POLR1F: variants seen among roughly 807,000 people sequenced by gnomAD.
The protein encoded by POLR1F is DNA-directed RNA polymerase I subunit RPA43.
In POLR1F, 23 loss-of-function variants were observed where a neutral mutation model predicts 21.8. The ratio of observed to expected loss-of-function variants is 1.05; its 90% CI spans 0.76 to 1.49. The LOEUF is 1.49. Ranked by LOEUF, POLR1F falls within the 40% of genes most tolerant of loss-of-function variation. The pLI is 0.00. For missense variants in POLR1F, 435 were observed against 412.1 expected (o/e 1.06, Z -0.48); for synonymous variants, 162 against 152.8 (o/e 1.06, Z -0.45).
At chr7:19,703,897 A>C (rs1282705571) in intron 2 of POLR1F, among the ~76,000 whole-genome samples, 1 of 152,232 alleles carries the variant, frequency 6.6e-6, no homozygotes. Context: ...GCTGGCCTAC[A>C]TGTTTATATT....
rs1039501804 is a variant in POLR1F, at chr7:19,696,282, A to G, written c.*2034T>C. On this transcript the variant is annotated 3_prime_UTR_variant, in exon 4 of 4. Coordinates refer to ENST00000222567, the MANE Select transcript of POLR1F (RefSeq NM_001002926.2). Reference sequence around the variant, plus strand: ...GATCTGACTTTTCAAAACTACTCACATTGTGAAAAAAGCAGGAACAAATCT... The same window carrying G: ...GATCTGACTTTTCAAAACTACTCACGTTGTGAAAAAAGCAGGAACAAATCT... 4 of 152,112 alleles carry G rather than the reference A, an allele frequency of 2.6e-5. No individual in the cohort carries two copies. The highest frequency in any genetic ancestry group is 7.2e-5 in the African/African-American group (3 of 41,456). 9.4% of individuals were successfully genotyped at this position (152,112 alleles called of 1,614,324 possible).
chr7:19,698,434 C>T lies in POLR1F; in HGVS notation c.899G>A (p.Ser300Asn), dbSNP rs1783403189. Residue 300 changes from serine (S) to asparagine (N), a missense_variant, in exon 4 of 4, where the codon AGT (serine) becomes AAT (asparagine). Transcript: ENST00000222567. ...QDPVFQGSDSSGYQSDHKKKK... is the reference protein window; with the variant it reads ...QDPVFQGSDSNGYQSDHKKKK... ...CTTTTTATGGTCACTTTGGTAACCACTGGAGTCACTGCCTTGGAAAACAGG... is the reference window on the plus strand; with the variant it reads ...CTTTTTATGGTCACTTTGGTAACCATTGGAGTCACTGCCTTGGAAAACAGG... 4.3e-6 allele frequency: 7 copies of T among 1,612,824 alleles called. No individual in the cohort carries two copies. The highest frequency in any genetic ancestry group is 1.1e-5 in the South Asian group (1 of 90,852).
At position 19,695,822 on chromosome 7, in the gene POLR1F, A is replaced by G. The variant is rs376448072; in HGVS notation, c.*2494T>C. ...TCAGGTTCTCCACCTGGAATGCCAC[A>G]GCTAGTTTTTCTTCTCCAAGGGTCA... On this transcript the variant is annotated 3_prime_UTR_variant, in exon 4 of 4. Transcript: ENST00000222567. 5.9e-5 allele frequency: 9 copies of G among 152,304 alleles called. No individual in the cohort carries two copies. The South Asian group carries it at 1.7e-3, about 28-fold the overall frequency. The allele number at this position is 152,304 out of a possible 1,614,324, so 9.4% of individuals were successfully genotyped here. A position where few individuals can be genotyped will look rare whatever the true frequency, so the allele number is the denominator to read the frequency against.
chr7:19,704,965 A>G (rs747851493), intron 1 of POLR1F, 45 bp from the exon 2 acceptor site: 2 of 1,536,640 alleles, frequency 1.3e-6, no homozygotes, highest in Non-Finnish European at 1.7e-6. Flanking sequence ...ATCGTCTTTT[A>G]TTTATTTATG....
intron 2 of POLR1F, among the ~76,000 whole-genome samples, chr7:19,700,845 C>G (rs1466959808): frequency 2.0e-5 from 3 of 152,114 alleles, no homozygotes; most frequent in African/African-American, 7.2e-5. Context: ...AAATATTGAC[C>G]ATGACTATTT....
rs932948720 is a variant in POLR1F at position 19,695,570 on chromosome 7, C to T, written c.*2746G>A. 6.6e-6 allele frequency: 1 copy of T among 152,020 alleles called. No individual in the cohort carries two copies. The highest frequency in any genetic ancestry group is 1.5e-5 in the Non-Finnish European group (1 of 67,926). The allele number at this position is 152,020 out of a possible 1,614,324, so 9.4% of individuals were successfully genotyped here. The stretch of plus-strand genomic sequence containing the variant: ...CTATAGATATAGTTAAGGCATAATT[C>T]CAGCCCTCAGGAAACTTATTTGGTC... On this transcript the variant is annotated 3_prime_UTR_variant, in exon 4 of 4. Coordinates refer to ENST00000222567, the MANE Select transcript of POLR1F (RefSeq NM_001002926.2).
Position 19,708,172 on chromosome 7 carries a change from T to A in POLR1F, c.254+591A>T, listed in dbSNP as rs535103371. ...CTCACTAGTTCGACTGAATAAATCT[T>A]CTTAAAAACAACAAAATCCCGCTAA... is the stretch of plus-strand genomic sequence containing the variant. On this transcript the variant is annotated intron_variant, in intron 1 of 3. Transcript: ENST00000222567. Among the ~76,000 whole-genome samples, 3 of 151,782 alleles carry A rather than the reference T, an allele frequency of 2.0e-5. No individual in the cohort carries two copies. In the South Asian group the frequency reaches 6.2e-4, roughly 32 times the overall value.
chr7:19,708,908 C>T lies in POLR1F; in HGVS notation c.109G>A (p.Ala37Thr). ...TAGCGACTGTTCACCAGCGCACAAGCAGCGGCATAAGTCGGCAACTCTAGG... is the reference window on the plus strand; with the variant it reads ...TAGCGACTGTTCACCAGCGCACAAGTAGCGGCATAAGTCGGCAACTCTAGG... ...PCLELPTYAA[A>T]CALVNSRYSC... Residue 37 changes from alanine (A) to threonine (T), a missense_variant, in exon 1 of 4, where the codon GCT becomes ACT. Ala to Thr is a moderately conservative substitution (Grantham distance 58). Transcript: ENST00000222567. 1.2e-6 allele frequency: 2 copies of T among 1,614,110 alleles called. No homozygotes were observed. The highest frequency in any genetic ancestry group is 1.7e-6 in the Non-Finnish European group (2 of 1,179,986).
chr7:19,697,544 C>G lies in POLR1F; in HGVS notation c.*772G>C, dbSNP rs1783387542. On this transcript the variant is annotated 3_prime_UTR_variant, in exon 4 of 4. Coordinates refer to ENST00000222567, the MANE Select transcript of POLR1F (RefSeq NM_001002926.2). ...CCCATTCCAATCATTAAAAAGTAAT[C>G]TGAAATTTCCCACTAGTCAGAATCA... The G allele has an allele frequency of 6.6e-6, 1 of 152,136 alleles. No homozygotes were observed. The highest frequency in any genetic ancestry group is 1.5e-5 in the Non-Finnish European group (1 of 67,990). 9.4% of individuals were successfully genotyped at this position (152,136 alleles called of 1,614,324 possible). A position where few individuals can be genotyped will look rare whatever the true frequency, so the allele number is the denominator to read the frequency against.
chr7:19,704,950 C>A, intron 1 of POLR1F, 30 bp from the exon 2 acceptor site: 1 of 1,535,592 alleles, frequency 6.5e-7, no homozygotes, highest in South Asian at 1.3e-5. Context: ...AAAATGATAC[C>A]TTTTATCGTC....
chr7:19,708,543 T>C (rs1783568889), intron 1 of POLR1F, among the ~76,000 whole-genome samples: 1 of 152,124 alleles, frequency 6.6e-6, no homozygotes, highest in African/African-American at 2.4e-5. Context: ...CTGAACTTCA[T>C]CTTTAAGTTT....
chr7:19,695,502 A>T lies in POLR1F; in HGVS notation c.*2814T>A. ...GCTTTTTATTTATCAATTTAAAATT[A>T]TCTGTTGATGCTTTCATTATACAAA... On this transcript the variant is annotated 3_prime_UTR_variant, in exon 4 of 4. Transcript: ENST00000222567. The T allele has an allele frequency of 6.6e-6, 1 of 152,064 alleles. No homozygotes were observed. The highest frequency in any genetic ancestry group is 1.9e-4 in the East Asian group (1 of 5,194). The allele number at this position is 152,064 out of a possible 1,614,324, so 9.4% of individuals were successfully genotyped here.
At chr7:19,706,338 T>G (rs1295649164) in intron 1 of POLR1F, among the ~76,000 whole-genome samples, 1 of 152,004 alleles carries the variant, frequency 6.6e-6, no homozygotes, top group Admixed American at 6.6e-5. Flanking sequence ...GGAAGAAAAA[T>G]TAACTGCCAT....
chr7:19,706,667 T>C (rs1175230755), intron 1 of POLR1F, among the ~76,000 whole-genome samples: 1 of 152,212 alleles, frequency 6.6e-6, no homozygotes. Context: ...AAAGTCATCT[T>C]TGCACAGTTT....
intron 2 of POLR1F, among the ~76,000 whole-genome samples, chr7:19,703,444 ATAT>A (rs932543728): frequency 6.6e-5 from 10 of 152,198 alleles, no homozygotes; most frequent in Admixed American, 6.5e-5. Context: ...ATCTCACCAA[ATAT>A]TAATAATAAT....
At chr7:19,708,614 G>A in intron 1 of POLR1F, 149 bp downstream of exon 1, 1 of 1,074,670 alleles carries the variant, frequency 9.3e-7, no homozygotes, top group South Asian at 1.5e-5. Context: ...CTGGCCTTGA[G>A]GGACGGATCG....
At chr7:19,706,044 T>G (rs1293029086) in intron 1 of POLR1F, among the ~76,000 whole-genome samples, 1 of 152,232 alleles carries the variant, frequency 6.6e-6, no homozygotes, top group Non-Finnish European at 1.5e-5. Flanking sequence ...ATTTCACACA[T>G]GACTCTAAGG....
At position 19,696,210 on chromosome 7, in the gene POLR1F, A is replaced by G. The variant is rs1783362108; in HGVS notation, c.*2106T>C. On this transcript the variant is annotated 3_prime_UTR_variant, in exon 4 of 4. Transcript: ENST00000222567. ...TTTCTGTGTCAGAAAGACAAACAAA[A>G]AAAACAATGAACAAAGTTATGCTAT... The G allele has an allele frequency of 6.6e-6, 1 of 152,088 alleles. No homozygotes were observed. Among genetic ancestry groups the G allele is most frequent in the South Asian group, 2.1e-4 (1 of 4,830 alleles). The allele number at this position is 152,088 out of a possible 1,614,324, so 9.4% of individuals were successfully genotyped here.
rs1219123696 is a variant in POLR1F, at chr7:19,696,327, C to T, written c.*1989G>A. ...AAATCTAGTTTCAAGTTCAGCATGC[C>T]GTTCCCTGTTTAATTCATAAAACAC... On this transcript the variant is annotated 3_prime_UTR_variant, in exon 4 of 4. Transcript: ENST00000222567. 2.0e-5 allele frequency: 3 copies of T among 152,002 alleles called. No individual in the cohort carries two copies. Among genetic ancestry groups the T allele is most frequent in the East Asian group, 1.9e-4 (1 of 5,190 alleles). The allele number at this position is 152,002 out of a possible 1,614,324, so 9.4% of individuals were successfully genotyped here.
Sources: allele counts gnomAD v4.1 joint callset (sites outside exome capture counted in the v4.1 genomes callset), GRCh38; gene constraint gnomAD v4.1.1; transcripts MANE v1.5; gene names NCBI Gene and HGNC (gene_info 2026-07-23, HGNC 2026-07-21).